METTL2B: variants seen among roughly 807,000 people sequenced by gnomAD.
METTL2B encodes the protein tRNA N(3)-cytidine methyltransferase METTL2B.
METTL2B carries 28 observed loss-of-function variants against 51.0 expected under a neutral mutation model. The observed-to-expected ratio is 0.55, with a 90% CI of 0.41 to 0.75. METTL2B has a LOEUF of 0.75. Ranked by LOEUF, METTL2B falls within the 30% of genes least tolerant of loss-of-function variation. The pLI is 0.00. For missense variants in METTL2B, 313 were observed against 460.7 expected (o/e 0.68, Z 2.93); for synonymous variants, 128 against 166.3 (o/e 0.77, Z 1.77).
Position 128,503,062 on chromosome 7 carries a change from A to G in METTL2B, c.*1146A>G, listed in dbSNP as rs2116872451. ...GGCAGGTGGATCACGAGGTCAGGAG[A>G]TCGAGACCATCCTGGCTAACACGGT... On this transcript the variant is annotated 3_prime_UTR_variant, in exon 9 of 9. Coordinates refer to ENST00000262432, the MANE Select transcript of METTL2B (RefSeq NM_018396.3). 6.3e-6 allele frequency: 1 copy of G among 159,542 alleles called. No homozygotes were observed. Among genetic ancestry groups the G allele is most frequent in the Non-Finnish European group, 1.4e-5 (1 of 72,426 alleles). The allele number at this position is 159,542 out of a possible 1,614,324, so 9.9% of individuals were successfully genotyped here.
chr7:128,489,142 G>A (rs1214248886), intron 5 of METTL2B, among the ~76,000 whole-genome samples: 2 of 151,872 alleles, frequency 1.3e-5, no homozygotes, highest in African/African-American at 4.8e-5. Context: ...ATAAAAATAC[G>A]TTATTGGTTG....
chr7:128,499,675 C>T lies in METTL2B; in HGVS notation c.917-1228C>T, dbSNP rs1373841383. ...CCGAGACTACAGGCATGTGCCACCACGCCTGGCTAATTTTTTTGTATTTTT... is the reference window on the plus strand; with the variant it reads ...CCGAGACTACAGGCATGTGCCACCATGCCTGGCTAATTTTTTTGTATTTTT... On this transcript the variant is annotated intron_variant, in intron 7 of 8. Transcript: ENST00000262432. Among the ~76,000 whole-genome samples, 12 of 140,998 alleles carry T rather than the reference C, an allele frequency of 8.5e-5. 1 individual carries two copies. Among genetic ancestry groups the T allele is most frequent in the South Asian group, 2.4e-4 (1 of 4,244 alleles). The allele number at this position is 140,998 out of a possible 152,430, so 92.5% of individuals were successfully genotyped here.
In METTL2B at chr7:128,499,314, GA is replaced by G. The variant is rs371732677; in HGVS notation, c.916+1173del. ...CTTATTGCTGGCCAATTCAAAGAAA[GA>G]GGTGCATTCCTTCATTACTGGTAGA... On this transcript the variant is annotated intron_variant, in intron 7 of 8. Coordinates refer to ENST00000262432, the MANE Select transcript of METTL2B (RefSeq NM_018396.3). Among the ~76,000 whole-genome samples, 425 of 152,232 alleles carry G rather than the reference GA, an allele frequency of 2.8e-3. 2 individuals carry two copies. Among genetic ancestry groups the G allele is most frequent in the African/African-American group, 1.0e-2 (414 of 41,570 alleles).
At position 128,496,371 on chromosome 7, in the gene METTL2B, C is replaced by A. The variant is rs530003232; in HGVS notation, c.810-1665C>A. 2.9e-4 allele frequency among the ~76,000 whole-genome samples: 44 copies of A among 152,172 alleles called. 1 individual carries two copies. Among genetic ancestry groups the A allele is most frequent in the Middle Eastern group, 3.4e-3 (1 of 294 alleles). On this transcript the variant is annotated intron_variant, in intron 6 of 8. Transcript: ENST00000262432. ...ACCAGCTTGGGCAACAAAGCAAGAC[C>A]CCTGTCTCTACTAAAAATAAAAATA... is the stretch of plus-strand genomic sequence containing the variant.
At chr7:128,501,347 C>A (rs1000963075) in intron 8 of METTL2B, 11 of 985,340 alleles carry the variant, frequency 1.1e-5, no homozygotes, top group Non-Finnish European at 1.3e-5. Flanking sequence ...GAACTGCTCT[C>A]CTCTGCAACT....
intron 4 of METTL2B, among the ~76,000 whole-genome samples, chr7:128,481,645 G>T (rs1405417000): frequency 1.3e-5 from 2 of 151,492 alleles, no homozygotes; most frequent in African/African-American, 4.9e-5. Flanking sequence ...CTCATCAAGG[G>T]TTTTTTTTTA....
chr7:128,487,063 C>G (rs3993563), intron 4 of METTL2B, among the ~76,000 whole-genome samples: 8 of 152,194 alleles, frequency 5.3e-5, no homozygotes, highest in African/African-American at 9.6e-5. Context: ...ATGGTGGGCA[C>G]TAGCCACGTG....
In METTL2B at chr7:128,498,105, C is replaced by G; in HGVS notation, c.879C>G (p.Tyr293Ter). 1 of 1,613,708 alleles carries G rather than the reference C, an allele frequency of 6.2e-7. No homozygotes were observed. The change falls in exon 7 of 9, where the codon TAC (tyrosine) becomes TAG (stop). Residue 293 changes from tyrosine (Y) to a stop codon, truncating the protein, a stop_gained. Transcript: ENST00000262432. LOFTEE classifies it high-confidence loss of function. ...KPGGMVLLRD[Y>*]GRYDMAQLRF... ...GGGGGATGGTACTTCTGCGAGATTA[C>G]GGCCGCTATGACATGGCTCAGCTTC...
Position 128,488,096 on chromosome 7 carries a change from T to C in METTL2B, c.609-5T>C. On this transcript the variant is annotated splice_polypyrimidine_tract_variant and splice_region_variant and intron_variant, in intron 4 of 8. Coordinates refer to ENST00000262432, the MANE Select transcript of METTL2B (RefSeq NM_018396.3). ...TCATTGTTTTGTCTTTTCTGCCCAT[T>C]TCAGTGACCCAGGACTCTTTGTTTA... 6.5e-7 allele frequency: 1 copy of C among 1,544,026 alleles called. No homozygotes were observed. Among genetic ancestry groups the C allele is most frequent in the Non-Finnish European group, 8.8e-7 (1 of 1,133,976 alleles).
rs1484438159 is a variant in METTL2B at position 128,499,660 on chromosome 7, A to G, written c.917-1243A>G. ...CAGCCTCCCGAGTAGCCGAGACTAC[A>G]GGCATGTGCCACCACGCCTGGCTAA... is the stretch of plus-strand genomic sequence containing the variant. On this transcript the variant is annotated intron_variant, in intron 7 of 8. Coordinates refer to ENST00000262432, the MANE Select transcript of METTL2B (RefSeq NM_018396.3). 2.1e-5 allele frequency among the ~76,000 whole-genome samples: 3 copies of G among 140,870 alleles called. 1 individual carries two copies. Among genetic ancestry groups the G allele is most frequent in the Middle Eastern group, 3.6e-3 (1 of 274 alleles). 92.4% of individuals were successfully genotyped at this position (140,870 alleles called of 152,430 possible). A position where few individuals can be genotyped will look rare whatever the true frequency, so the allele number is the denominator to read the frequency against.
Position 128,498,053 on chromosome 7 carries a change from A to G in METTL2B, c.827A>G (p.Asn276Ser), listed in dbSNP as rs1230818152. 3 of 1,613,724 alleles carry G rather than the reference A, an allele frequency of 1.9e-6. No homozygotes were observed. Among genetic ancestry groups the G allele is most frequent in the South Asian group, 1.1e-5 (1 of 91,086 alleles). Residue 276 changes from asparagine to serine, a missense_variant, in exon 7 of 9, where the codon AAC becomes AGC. Coordinates refer to ENST00000262432, the MANE Select transcript of METTL2B (RefSeq NM_018396.3). ...CTCCACAGGATGCAGAAGGCTATCA[A>G]CAGGCTGAGCAGGCTTCTGAAACCT... ...VVPDKMQKAI[N>S]RLSRLLKPGG...
chr7:128,487,671 A>T (rs541912193), intron 4 of METTL2B, among the ~76,000 whole-genome samples: 2 of 152,314 alleles, frequency 1.3e-5, no homozygotes, highest in African/African-American at 4.8e-5. Flanking sequence ...TAAGCGAAAG[A>T]TGTAATCGCC....
intron 7 of METTL2B, among the ~76,000 whole-genome samples, chr7:128,500,133 T>C (rs1214812085): frequency 1.3e-5 from 2 of 152,158 alleles, no homozygotes; most frequent in East Asian, 1.9e-4. Flanking sequence ...TCTAGAAGTA[T>C]GTGCCAGGCT....
At chr7:128,480,255 CTG>C (rs1222271352) in intron 3 of METTL2B, among the ~76,000 whole-genome samples, 1 of 152,204 alleles carries the variant, frequency 6.6e-6, no homozygotes, top group Non-Finnish European at 1.5e-5. Context: ...CCACGCAGCA[CTG>C]TGTTTAGGAC....
rs933313740 is a variant in METTL2B, at chr7:128,503,750, C to A, written c.*1834C>A. 1 of 152,220 alleles carries A rather than the reference C, an allele frequency of 6.6e-6. No homozygotes were observed. The highest frequency in any genetic ancestry group is 6.5e-5 in the Admixed American group (1 of 15,268). The allele number at this position is 152,220 out of a possible 1,614,324, so 9.4% of individuals were successfully genotyped here. ...TGGCGGCTCACGCCTATAATCCCAG[C>A]ACTTTGGGAGGCTGAGGTGGGCAGA... On this transcript the variant is annotated 3_prime_UTR_variant, in exon 9 of 9. Transcript: ENST00000262432.
chr7:128,484,236 T>TTTTTTGTTTTTTTTTTTTTG (rs1792657317), intron 4 of METTL2B: 1 of 101,006 alleles, frequency 9.9e-6, no homozygotes, highest in African/African-American at 3.3e-5. Context: ...TTTTTTTTTT[T>TTTTTTGTTTTTTTTTTTTTG]TTTTTTTTTG....
In METTL2B at chr7:128,493,915, T is replaced by A. The variant is rs773711845; in HGVS notation, c.781T>A (p.Phe261Ile). The change falls in exon 6 of 9, where the codon TTT (phenylalanine) becomes ATT (isoleucine). Residue 261 changes from phenylalanine (F) to isoleucine (I), a missense_variant. By Grantham distance (21) the Phe-to-Ile change is conservative. This residue lies in a region of METTL2B where 138 missense variants were observed against 187.6 expected (regional missense o/e 0.74). Coordinates refer to ENST00000262432, the MANE Select transcript of METTL2B (RefSeq NM_018396.3). ...KGSLDIIILI[F>I]VLSAVVPDKM... ...CAGTCTTGATATTATCATTCTCATA[T>A]TTGTTCTTTCAGCAGTTGTTCCAGA... The A allele has an allele frequency of 6.2e-7, 1 of 1,602,392 alleles. No individual in the cohort carries two copies. Among genetic ancestry groups the A allele is most frequent in the African/African-American group, 1.3e-5 (1 of 74,108 alleles).
At chr7:128,501,699 A>C (rs1793032414) in intron 8 of METTL2B, 63 bp from the exon 9 acceptor site, 1 of 1,597,988 alleles carries the variant, frequency 6.3e-7, no homozygotes, top group African/African-American at 1.3e-5. Context: ...ACAAGGACTT[A>C]GTAGATAAAA....
intron 7 of METTL2B, 88 bp from the exon 8 acceptor site, chr7:128,500,815 A>C: frequency 6.6e-7 from 1 of 1,512,300 alleles, no homozygotes; most frequent in Non-Finnish European, 9.1e-7. Context: ...TCCACCCAAC[A>C]AACTGGCCTC....
Sources: gnomAD v4.1 joint callset for allele counts (sites outside exome capture counted in the v4.1 genomes callset) on GRCh38, gnomAD v4.1.1 for gene constraint, gnomAD v4.1.1 regional missense constraint, MANE v1.5 for transcripts, NCBI Gene and HGNC (gene_info 2026-07-23, HGNC 2026-07-21) for gene names.